SPINK6: variants seen among roughly 807,000 people sequenced by gnomAD.
SPINK6 encodes serine protease inhibitor Kazal-type 6.
Under a neutral mutation model 11.7 loss-of-function variants are expected in SPINK6, and 13 were observed. The ratio of observed to expected loss-of-function variants is 1.11; its 90% confidence interval spans 0.72 to 1.76. The LOEUF (loss-of-function observed/expected upper bound fraction) is 1.76. SPINK6 is among the 40% of genes most tolerant of loss of function. The probability of loss-of-function intolerance (pLI) is 0.00; values close to 1 mark genes in which losing one functional copy is unlikely to be tolerated. For missense variants in SPINK6, 98 were observed against 93.7 expected, an observed-to-expected ratio of 1.05 and a Z score of -0.19; for synonymous variants, 21 against 31.9, an observed-to-expected ratio of 0.66 and a Z score of 1.15.
chr5:148,207,919 G>T (rs1022975642), intron 2 of SPINK6, among the ~76,000 whole-genome samples: 2 of 152,066 alleles, frequency 1.3e-5, no homozygotes, highest in African/African-American at 4.8e-5. Flanking sequence ...AGATCCCCAG[G>T]CATCATGCAA....
chr5:148,202,925 G>A (rs115241739), upstream of SPINK6: 2,412 of 471,470 alleles, frequency 5.1e-3, 60 homozygotes, highest in African/African-American at 0.043. Context: ...CAATTTTTAA[G>A]ATTGATGGGG....
At chr5:148,208,636 A>C (rs534346647) in intron 2 of SPINK6, among the ~76,000 whole-genome samples, 1 of 152,322 alleles carries the variant, frequency 6.6e-6, no homozygotes, top group East Asian at 1.9e-4. Flanking sequence ...TTCCAGTAAA[A>C]TTTTCCCTGT....
chr5:148,211,170 G>A (rs570066028), intron 2 of SPINK6, among the ~76,000 whole-genome samples: 36 of 152,204 alleles, frequency 2.4e-4, no homozygotes, highest in African/African-American at 8.4e-4. Context: ...CTCCTGCCCA[G>A]CCACCATATT....
intron 2 of SPINK6, among the ~76,000 whole-genome samples, chr5:148,209,991 T>TACACACGTACGTATGTGTGTATAC (rs1398978551): frequency 1.4e-5 from 2 of 145,404 alleles, no homozygotes; most frequent in African/African-American, 2.5e-5. Context: ...TATGTATACA[T>TACACACGTACGTATGTGTGTATAC]ATACACGTAT....
At chr5:148,213,046 A>G (rs1180239673) in intron 2 of SPINK6, among the ~76,000 whole-genome samples, 1 of 150,608 alleles carries the variant, frequency 6.6e-6, no homozygotes, top group East Asian at 1.9e-4. Flanking sequence ...TATACTTTAT[A>G]TATACATATC....
At chr5:148,210,003 T>TATGG (rs1755556804) in intron 2 of SPINK6, among the ~76,000 whole-genome samples, 1 of 142,008 alleles carries the variant, frequency 7.0e-6, no homozygotes, top group African/African-American at 2.5e-5. Flanking sequence ...TACACGTATG[T>TATGG]ATACATGTAT....
At chr5:148,205,444 T>A (rs1415911763) in intron 1 of SPINK6, among the ~76,000 whole-genome samples, 1 of 152,212 alleles carries the variant, frequency 6.6e-6, no homozygotes, top group South Asian at 2.1e-4. Context: ...ATATATGGGA[T>A]CTTTTCCCTT....
At chr5:148,204,814 T>C (rs1452947427) in intron 1 of SPINK6, among the ~76,000 whole-genome samples, 1 of 152,154 alleles carries the variant, frequency 6.6e-6, no homozygotes, top group Non-Finnish European at 1.5e-5. Context: ...GCCTTGCCAA[T>C]TCCTACGTAT....
Position 148,214,960 on chromosome 5 carries a change from A to T in SPINK6, c.*10A>T. 1 of 1,613,436 alleles carries T rather than the reference A, an allele frequency of 6.2e-7. No individual in the cohort carries two copies. Among genetic ancestry groups the T allele is most frequent in the South Asian group, 1.1e-5 (1 of 90,972 alleles). On this transcript the variant is annotated 3_prime_UTR_variant, in exon 4 of 4. Transcript: ENST00000325630. ...TCCTGGAAAATGCTGAGTTAAAGCC[A>T]ATGTTTCTTGGTGACTTGCCAGCTT...
In SPINK6 at chr5:148,203,082, G is replaced by A. The variant is rs1377618893; in HGVS notation, c.-15G>A. On this transcript the variant is annotated 5_prime_UTR_variant, in exon 1 of 4. Coordinates refer to ENST00000325630, the MANE Select transcript of SPINK6 (RefSeq NM_205841.4). ...TGGACAAAGCAGCCTTGATCTGAGT[G>A]AGCTAACTGACACAATGAAACTGTC... 1.2e-6 allele frequency: 2 copies of A among 1,605,452 alleles called. No homozygotes were observed. The highest frequency in any genetic ancestry group is 1.3e-5 in the African/African-American group (1 of 74,246).
chr5:148,206,160 T>C, intron 2 of SPINK6, 102 bp downstream of exon 2: 2 of 1,240,690 alleles, frequency 1.6e-6, no homozygotes, highest in Non-Finnish European at 2.3e-6. Context: ...GCAAAAACAA[T>C]GAGCAGGCAA....
In SPINK6 at chr5:148,214,012, T is replaced by C; in HGVS notation, c.184T>C (p.Cys62Arg). The change falls in exon 3 of 4, where the codon TGT (cysteine) becomes CGT (arginine). Residue 62 changes from cysteine (C) to arginine (R), a missense_variant. Cys to Arg is a radical substitution (Grantham distance 180, BLOSUM62 -3). Coordinates refer to ENST00000325630, the MANE Select transcript of SPINK6 (RefSeq NM_205841.4). ...GQTYGNKCAF[C>R]KAIVKSGGKI... The stretch of plus-strand genomic sequence containing the variant: ...GACATATGGCAATAAATGTGCCTTC[T>C]GTAAGGCCATAGTGTAAGTATTATA... The C allele has an allele frequency of 6.2e-7, 1 of 1,602,436 alleles. No individual in the cohort carries two copies. The highest frequency in any genetic ancestry group is 2.2e-5 in the East Asian group (1 of 44,816).
intron 2 of SPINK6, among the ~76,000 whole-genome samples, chr5:148,206,786 T>C (rs777891612): frequency 8.5e-5 from 13 of 152,218 alleles, no homozygotes; most frequent in Admixed American, 2.6e-4. Flanking sequence ...CCTGTTCCTT[T>C]GTCCATATTA....
At chr5:148,206,090 C>T (rs749559115) in intron 2 of SPINK6, 32 bp downstream of exon 2, 3 of 1,613,494 alleles carry the variant, frequency 1.9e-6, no homozygotes, top group Non-Finnish European at 2.5e-6. Context: ...TGCTTTCTGC[C>T]TGGGTGGTGC....
intron 2 of SPINK6, among the ~76,000 whole-genome samples, chr5:148,209,335 C>T (rs538623277): frequency 6.6e-6 from 1 of 152,184 alleles, no homozygotes; most frequent in Non-Finnish European, 1.5e-5. Flanking sequence ...CTGGAGTGAG[C>T]TTTCCGTGGC....
At chr5:148,205,267 G>A (rs1561730491) in intron 1 of SPINK6, among the ~76,000 whole-genome samples, 1 of 152,120 alleles carries the variant, frequency 6.6e-6, no homozygotes, top group Non-Finnish European at 1.5e-5. Flanking sequence ...GATTGGGAAA[G>A]GAGTCCCATA....
chr5:148,213,762 A>G (rs1419180969), intron 2 of SPINK6, 148 bp from the exon 3 acceptor site: 5 of 577,550 alleles, frequency 8.7e-6, no homozygotes, highest in South Asian at 6.9e-5. Flanking sequence ...AGAATACATC[A>G]GATAAGGAGA....
chr5:148,210,316 G>GTATGTGTTTCTGCATACATATA (rs1561732710), intron 2 of SPINK6, among the ~76,000 whole-genome samples: 6 of 20,148 alleles, frequency 3.0e-4, no homozygotes, highest in Non-Finnish European at 6.8e-4. Context: ...ACATATATAT[G>GTATGTGTTTCTGCATACATATA]TATGTGTTTC....
chr5:148,212,480 T>TAA (rs1443501373), intron 2 of SPINK6, among the ~76,000 whole-genome samples: 6 of 97,006 alleles, frequency 6.2e-5, no homozygotes, highest in Non-Finnish European at 1.2e-4. Context: ...TACATATTTT[T>TAA]TATATATATA....
Sources: gnomAD v4.1 joint callset for allele counts (sites outside exome capture counted in the v4.1 genomes callset) on GRCh38, gnomAD v4.1.1 for gene constraint, MANE v1.5 for transcripts, NCBI Gene and HGNC (gene_info 2026-07-23, HGNC 2026-07-21) for gene names.